The following TNS1 variants were observed in gnomAD, a reference collection of about 807,000 sequenced individuals.
TNS1 encodes the protein tensin 1, also known as tensin-1.
A neutral mutation model predicts 168.6 loss-of-function variants in TNS1; 62 were observed. The observed-to-expected ratio is 0.37, with a 90% CI of 0.30 to 0.45. TNS1 has a LOEUF of 0.45. Ranked by LOEUF, TNS1 falls within the 20% of genes least tolerant of loss-of-function variation. The pLI is 1.00. For missense variants in TNS1, 2,240 were observed against 2,339.4 expected, an observed-to-expected ratio of 0.96 and a Z score of 0.88; for synonymous variants, 934 against 933.2, an observed-to-expected ratio of 1.00 and a Z score of -0.02.
chr2:217,924,808 C>T (rs1211555100), intron 3 of TNS1, among the ~76,000 whole-genome samples: 3 of 152,218 alleles, frequency 2.0e-5, no homozygotes, highest in Admixed American at 6.5e-5. Context: ...CCCACTACAC[C>T]TGCATTTGTG....
intron 23 of TNS1, 95 bp from the exon 24 acceptor site, chr2:217,818,854 A>G (rs1942369414): frequency 5.0e-6 from 5 of 1,007,140 alleles, no homozygotes; most frequent in African/African-American, 3.2e-5. Flanking sequence ...ACCATGAACA[A>G]CAGTAAGAAT....
At chr2:217,974,504 G>A (rs1159166686) in intron 3 of TNS1, among the ~76,000 whole-genome samples, 4 of 152,122 alleles carry the variant, frequency 2.6e-5, no homozygotes, top group Non-Finnish European at 5.9e-5. Context: ...TCGGGAAGCT[G>A]GGGTGGAACC....
In TNS1 at chr2:217,995,153, C is replaced by A. The variant is rs540112364; in HGVS notation, c.34-4097G>T. On this transcript the variant is annotated intron_variant, in intron 1 of 32. Transcript: ENST00000682258. The surrounding 1 kb of genome is among the most constrained non-coding windows in gnomAD (Gnocchi z 4.1). ...GGAGGCTGTGAAACTCTGGTAGGAG[C>A]GAGGGACTAGCTCTGCCACCTCCAG... Among the ~76,000 whole-genome samples the A allele has an allele frequency of 7.9e-5, 12 of 152,216 alleles. No individual in the cohort carries two copies. Among genetic ancestry groups the A allele is most frequent in the Admixed American group, 7.8e-4 (12 of 15,292 alleles).
intron 1 of TNS1, among the ~76,000 whole-genome samples, chr2:218,018,323 A>C (rs2106006951): frequency 6.6e-6 from 1 of 152,266 alleles, no homozygotes; most frequent in Admixed American, 6.5e-5. Context: ...CTAAACTCCA[A>C]ATGAGGTCTG....
chr2:217,893,727 G>T (rs944247685), intron 9 of TNS1, among the ~76,000 whole-genome samples, 166 bp from the exon 10 acceptor site: 1 of 152,276 alleles, frequency 6.6e-6, no homozygotes, highest in Non-Finnish European at 1.5e-5. Context: ...GGAGGCAGGG[G>T]AGTGAAGGGC....
At chr2:217,940,284 G>T (rs1312381226) in intron 3 of TNS1, among the ~76,000 whole-genome samples, 1 of 152,200 alleles carries the variant, frequency 6.6e-6, no homozygotes. Context: ...TTATTTGGAG[G>T]CTGGTAACTG....
intron 2 of TNS1, chr2:217,979,037 C>G (rs1051520273): frequency 4.1e-6 from 2 of 488,014 alleles, no homozygotes; most frequent in African/African-American, 4.1e-5. Context: ...AGGGGGCTCC[C>G]AGAGCCAGAG....
At chr2:217,883,221 T>C (rs1950852008) in intron 16 of TNS1, among the ~76,000 whole-genome samples, 1 of 152,232 alleles carries the variant, frequency 6.6e-6, no homozygotes, top group South Asian at 2.1e-4. Context: ...TTATTTATGC[T>C]ATTGATTATC....
At chr2:217,878,643 C>T (rs945718425) in intron 18 of TNS1, among the ~76,000 whole-genome samples, 2 of 152,174 alleles carry the variant, frequency 1.3e-5, no homozygotes, top group African/African-American at 2.4e-5. Context: ...AAATGTGTCA[C>T]GGACCCCCAA....
intron 21 of TNS1, among the ~76,000 whole-genome samples, chr2:217,831,942 A>AAT (rs1944483333): frequency 6.8e-6 from 1 of 146,186 alleles, no homozygotes; most frequent in African/African-American, 2.5e-5. Flanking sequence ...ACCCTCACCC[A>AAT]ACACACACAC....
chr2:217,935,698 CCA>C (rs1296198463), intron 3 of TNS1, among the ~76,000 whole-genome samples: 1 of 152,176 alleles, frequency 6.6e-6, no homozygotes, highest in East Asian at 1.9e-4. Flanking sequence ...GCTGCCAGCC[CCA>C]CTCTCTCCCA....
At chr2:217,978,853 T>G in intron 2 of TNS1, 51 bp from the exon 3 acceptor site, 1 of 700,222 alleles carries the variant, frequency 1.4e-6, no homozygotes, top group Non-Finnish European at 2.6e-6. Context: ...AGGTATGAAA[T>G]GGAAACTCCG....
intron 18 of TNS1, among the ~76,000 whole-genome samples, chr2:217,855,674 G>A (rs1382629934): frequency 3.3e-5 from 5 of 152,154 alleles, no homozygotes; most frequent in African/African-American, 1.2e-4. Flanking sequence ...CTGCATGGCT[G>A]TACAGAATGG....
In TNS1 at chr2:217,850,121, C is replaced by G. The variant is rs929245135; in HGVS notation, c.1430-1034G>C. The G allele has an allele frequency of 7.3e-5, 72 of 985,350 alleles. No homozygotes were observed. In the African/African-American group the frequency reaches 1.2e-3, roughly 17 times the overall value. 61.0% of individuals were successfully genotyped at this position (985,350 alleles called of 1,614,324 possible). A position where few individuals can be genotyped will look rare whatever the true frequency, so the allele number is the denominator to read the frequency against. ...CACTCAAGACTCCAGGAAAGGGACG[C>G]GGGTCCTGGGAAGGTATGCCGGGCA... On this transcript the variant is annotated intron_variant, in intron 18 of 32. Coordinates refer to ENST00000682258, the MANE Select transcript of TNS1 (RefSeq NM_001387777.1).
At chr2:217,970,559 C>T (rs573402038) in intron 3 of TNS1, among the ~76,000 whole-genome samples, 2 of 152,266 alleles carry the variant, frequency 1.3e-5, no homozygotes, top group South Asian at 4.1e-4. Flanking sequence ...TGGAATATTA[C>T]TCAACCATAA....
At chr2:217,838,866 C>G (rs1033533909) in intron 19 of TNS1, among the ~76,000 whole-genome samples, 7 of 152,136 alleles carry the variant, frequency 4.6e-5, no homozygotes, top group Non-Finnish European at 8.8e-5. Context: ...GGAGAGAACA[C>G]CCTCTCTCAC....
intron 22 of TNS1, among the ~76,000 whole-genome samples, chr2:217,826,046 C>T (rs899300345): frequency 1.3e-5 from 2 of 152,174 alleles, no homozygotes; most frequent in Admixed American, 1.3e-4. Flanking sequence ...CCCCACCTGG[C>T]CCTGCCCTCA....
intron 19 of TNS1, among the ~76,000 whole-genome samples, chr2:217,842,825 G>A (rs116651932): frequency 0.019 from 2,963 of 152,098 alleles, 37 homozygotes; most frequent in Non-Finnish European, 0.028. Context: ...CTCCTGCCTC[G>A]GGGCCTCTGC....
At chr2:217,953,713 A>G (rs1222574664) in intron 3 of TNS1, among the ~76,000 whole-genome samples, 1 of 152,116 alleles carries the variant, frequency 6.6e-6, no homozygotes, top group East Asian at 1.9e-4. Flanking sequence ...TAGGGGAGCC[A>G]CAGGGTGGCC....
Sources: allele counts gnomAD v4.1 joint callset (sites outside exome capture counted in the v4.1 genomes callset), GRCh38; gene constraint gnomAD v4.1.1; non-coding constraint Gnocchi (gnomAD v3.1); transcripts MANE v1.5; gene names NCBI Gene and HGNC (gene_info 2026-07-23, HGNC 2026-07-21).